The following NBEA variants were observed in gnomAD, a reference collection of about 807,000 sequenced individuals.
The protein encoded by NBEA is lysosomal-trafficking regulator 2.
Under a neutral mutation model 343.4 loss-of-function variants are expected in NBEA, and 44 were observed. The observed-to-expected ratio is 0.13, with a 90% CI of 0.10 to 0.16. NBEA has a LOEUF of 0.16. Among genes scored for constraint, NBEA ranks in the 10% least tolerant of loss-of-function variants. NBEA has a pLI of 1.00. For synonymous variants in NBEA, 1,175 were observed against 1,238.7 expected, an observed-to-expected ratio of 0.95 and a Z score of 1.08; for missense variants, 2,555 against 3,631.3, an observed-to-expected ratio of 0.70 and a Z score of 7.62.
At chr13:35,412,900 A>G (rs2043677645) in intron 38 of NBEA, among the ~76,000 whole-genome samples, 2 of 152,128 alleles carry the variant, frequency 1.3e-5, no homozygotes, top group South Asian at 4.1e-4. Flanking sequence ...CTGTGCTTCC[A>G]TTTCTTCATC....
At chr13:35,563,115 ATGTGTG>A (rs150677214) in intron 44 of NBEA, among the ~76,000 whole-genome samples, 148 of 139,956 alleles carry the variant, frequency 1.1e-3, no homozygotes, top group African/African-American at 3.9e-3. Context: ...AATAAAGTGT[ATGTGTG>A]TGTGTGTGTG....
intron 16 of NBEA, among the ~76,000 whole-genome samples, chr13:35,121,841 C>T (rs1286554863): frequency 6.6e-6 from 1 of 152,042 alleles, no homozygotes; most frequent in Non-Finnish European, 1.5e-5. Flanking sequence ...TTACTAGATT[C>T]TCTTGTTCAG....
intron 44 of NBEA, among the ~76,000 whole-genome samples, chr13:35,558,209 C>G (rs1339150988): frequency 6.6e-6 from 1 of 151,874 alleles, no homozygotes; most frequent in Admixed American, 6.6e-5. Flanking sequence ...TTGAAAAGAT[C>G]GTAATATAGT....
chr13:35,290,726 A>T (rs531054763), intron 35 of NBEA, among the ~76,000 whole-genome samples: 1 of 151,056 alleles, frequency 6.6e-6, no homozygotes, highest in South Asian at 2.1e-4. Flanking sequence ...TATCATATAT[A>T]TGTATATAAA....
intron 34 of NBEA, among the ~76,000 whole-genome samples, chr13:35,252,286 G>C (rs979597812): frequency 6.6e-6 from 1 of 152,142 alleles, no homozygotes; most frequent in Non-Finnish European, 1.5e-5. Context: ...AGAAGTCACT[G>C]TCCCGTGAAC....
chr13:35,634,343 A>G (rs942845296), intron 49 of NBEA, among the ~76,000 whole-genome samples: 1 of 152,206 alleles, frequency 6.6e-6, no homozygotes, highest in East Asian at 1.9e-4. Context: ...ACTATCTGAA[A>G]AAAAAGTTTT....
At chr13:35,653,890 G>T (rs936186892) in intron 53 of NBEA, among the ~76,000 whole-genome samples, 1 of 152,188 alleles carries the variant, frequency 6.6e-6, no homozygotes, top group Non-Finnish European at 1.5e-5. Flanking sequence ...AGGACCAACT[G>T]TATAGTTTTC....
intron 47 of NBEA, among the ~76,000 whole-genome samples, chr13:35,593,838 TG>T (rs1408216342): frequency 2.0e-5 from 3 of 152,068 alleles, no homozygotes; most frequent in Non-Finnish European, 4.4e-5. Flanking sequence ...TTGCGTAGCC[TG>T]GGGCAATTAA....
chr13:35,335,908 C>G (rs980788406), intron 36 of NBEA, among the ~76,000 whole-genome samples: 2 of 151,958 alleles, frequency 1.3e-5, no homozygotes, highest in Admixed American at 1.3e-4. Context: ...CTTAAGAAGG[C>G]CTTAAGCTTT....
At chr13:34,986,029 A>G (rs1395277142) in intron 1 of NBEA, among the ~76,000 whole-genome samples, 1 of 149,868 alleles carries the variant, frequency 6.7e-6, no homozygotes, top group African/African-American at 2.4e-5. Flanking sequence ...TTGTGTCTCT[A>G]TCTCTTTCAG....
intron 1 of NBEA, among the ~76,000 whole-genome samples, chr13:35,010,952 A>G (rs960203502): frequency 6.6e-6 from 1 of 151,226 alleles, no homozygotes; most frequent in Admixed American, 6.6e-5. Context: ...AAGTGGAGCC[A>G]ATGATTTTTT....
chr13:35,581,343 G>A lies in NBEA; in HGVS notation c.7036-2555G>A, dbSNP rs370021596. Among the ~76,000 whole-genome samples, 1,377 of 152,002 alleles carry A rather than the reference G, an allele frequency of 9.1e-3. 11 individuals carry two copies. The highest frequency in any genetic ancestry group is 0.018 in the African/African-American group (756 of 41,444). ...CTGGTGTGAGATGGTATCTCATTGC[G>A]GTTTTGATTTGCATTTCTCTGATGG... On this transcript the variant is annotated intron_variant, in intron 45 of 58. Coordinates refer to ENST00000379939, the MANE Select transcript of NBEA (RefSeq NM_001385012.1).
chr13:35,164,529 C>A lies in NBEA; in HGVS notation c.4233+20C>A, dbSNP rs1321775347. On this transcript the variant is annotated intron_variant, in intron 24 of 58. Coordinates refer to ENST00000379939, the MANE Select transcript of NBEA (RefSeq NM_001385012.1). The stretch of plus-strand genomic sequence containing the variant: ...CCAACTGTAAGTACTTTGCCTCCAT[C>A]TAGTGGTTATATTTTATAAATACAT... 1 of 1,601,050 alleles carries A rather than the reference C, an allele frequency of 6.2e-7. No homozygotes were observed. The highest frequency in any genetic ancestry group is 8.5e-7 in the Non-Finnish European group (1 of 1,172,206).
intron 41 of NBEA, among the ~76,000 whole-genome samples, chr13:35,479,807 A>C (rs2152965619): frequency 6.6e-6 from 1 of 152,234 alleles, no homozygotes; most frequent in East Asian, 1.9e-4. Flanking sequence ...TGTGTGTGTC[A>C]TGCTTTAGGA....
At chr13:35,503,250 T>C (rs1406400124) in intron 41 of NBEA, among the ~76,000 whole-genome samples, 2 of 151,624 alleles carry the variant, frequency 1.3e-5, no homozygotes, top group Non-Finnish European at 2.9e-5. Flanking sequence ...CAATATATAA[T>C]AGTATAAAAA....
intron 43 of NBEA, 23 bp from the exon 44 acceptor site, chr13:35,554,964 G>A: frequency 7.8e-7 from 1 of 1,287,322 alleles, no homozygotes; most frequent in Non-Finnish European, 1.1e-6. Flanking sequence ...GACTATGTTT[G>A]TTATGCTGTG....
chr13:35,033,971 C>T (rs1180261527), intron 1 of NBEA, among the ~76,000 whole-genome samples: 1 of 151,708 alleles, frequency 6.6e-6, no homozygotes, highest in Non-Finnish European at 1.5e-5. Flanking sequence ...TGACTTCTTC[C>T]TTTCCCATTT....
intron 41 of NBEA, among the ~76,000 whole-genome samples, chr13:35,530,933 G>A (rs376527996): frequency 4.6e-5 from 7 of 152,162 alleles, no homozygotes; most frequent in African/African-American, 1.2e-4. Flanking sequence ...GAGCTTTTAG[G>A]AAGCTGACAG....
intron 43 of NBEA, among the ~76,000 whole-genome samples, chr13:35,553,572 C>T (rs532163795): frequency 6.6e-6 from 1 of 152,006 alleles, no homozygotes; most frequent in Non-Finnish European, 1.5e-5. Flanking sequence ...GGGAAAATAT[C>T]TTTACAAGAG....
Sources: gnomAD v4.1 joint callset for allele counts (sites outside exome capture counted in the v4.1 genomes callset) on GRCh38, gnomAD v4.1.1 for gene constraint, MANE v1.5 for transcripts, NCBI Gene and HGNC (gene_info 2026-07-23, HGNC 2026-07-21) for gene names.